The following PALM2AKAP2 variants were observed in gnomAD, a reference collection of about 807,000 sequenced individuals.
PALM2AKAP2 encodes PALM2-AKAP2 fusion protein.
Under a neutral mutation model 71.5 loss-of-function variants are expected in PALM2AKAP2, and 37 were observed. The ratio of observed to expected loss-of-function variants is 0.52; its 90% CI spans 0.40 to 0.68. PALM2AKAP2 has a LOEUF of 0.68. PALM2AKAP2 is among the 30% of genes least tolerant of loss of function. PALM2AKAP2 has a pLI of 0.00. For missense variants in PALM2AKAP2, 1,224 were observed against 1,191.8 expected (o/e 1.03, Z -0.40); for synonymous variants, 468 against 478.8 (o/e 0.98, Z 0.29).
In PALM2AKAP2 at chr9:109,921,074, T is replaced by C. The variant is rs140430340; in HGVS notation, c.258-2661T>C. Among the ~76,000 whole-genome samples, 896 of 152,378 alleles carry C rather than the reference T, an allele frequency of 5.9e-3. 15 individuals carry two copies. Among genetic ancestry groups the C allele is most frequent in the African/African-American group, 0.021 (859 of 41,582 alleles). ...CATCTTTATGTTCGTATCTCTAGATTGGCCAGCCCCCTCTCCATAAATTCT... is the reference window on the plus strand; with the variant it reads ...CATCTTTATGTTCGTATCTCTAGATCGGCCAGCCCCCTCTCCATAAATTCT... On this transcript the variant is annotated intron_variant, in intron 3 of 9. Transcript: ENST00000302798.
chr9:110,136,089 A>G, intron 1 of PALM2AKAP2, 38 bp from the exon 8 acceptor site: 3 of 1,520,610 alleles, frequency 2.0e-6, no homozygotes, highest in Non-Finnish European at 2.6e-6. Flanking sequence ...TAAGAGATGC[A>G]GTATTTAACC....
At chr9:109,842,035 C>T (rs769643781) in intron 1 of PALM2AKAP2, among the ~76,000 whole-genome samples, 6 of 151,676 alleles carry the variant, frequency 4.0e-5, no homozygotes, top group Non-Finnish European at 8.8e-5. Context: ...TGTTAGGAGG[C>T]CAGGGTCTAA....
At chr9:109,980,177 C>T (rs1199169154) in intron 6 of PALM2AKAP2, among the ~76,000 whole-genome samples, 2 of 152,158 alleles carry the variant, frequency 1.3e-5, no homozygotes, top group African/African-American at 4.8e-5. Flanking sequence ...ACAACAGATG[C>T]TTCCCTAGTA....
intron 3 of PALM2AKAP2, among the ~76,000 whole-genome samples, chr9:109,916,151 A>G (rs1388410177): frequency 6.6e-6 from 1 of 152,134 alleles, no homozygotes; most frequent in African/African-American, 2.4e-5. Flanking sequence ...ACCACATTGG[A>G]CAGGCTGGTC....
chr9:109,954,649 A>T (rs1174317945), intron 6 of PALM2AKAP2, among the ~76,000 whole-genome samples: 1 of 105,904 alleles, frequency 9.4e-6, no homozygotes, highest in African/African-American at 3.8e-5. Context: ...CCTAAAACTT[A>T]AAGTATAATA....
intron 6 of PALM2AKAP2, among the ~76,000 whole-genome samples, chr9:110,002,268 T>C (rs1011975057): frequency 2.0e-5 from 3 of 152,188 alleles, no homozygotes; most frequent in African/African-American, 7.2e-5. Flanking sequence ...TCTATTGAGA[T>C]AATCATGTGG....
At chr9:110,009,373 C>T (rs1302901528) in intron 6 of PALM2AKAP2, among the ~76,000 whole-genome samples, 3 of 152,088 alleles carry the variant, frequency 2.0e-5, no homozygotes, top group African/African-American at 2.4e-5. Context: ...TCTCTTTAGC[C>T]GCCTGACGCC....
intron 3 of PALM2AKAP2, among the ~76,000 whole-genome samples, chr9:109,903,892 G>A: frequency 6.6e-6 from 1 of 151,682 alleles, no homozygotes; most frequent in Non-Finnish European, 1.5e-5. Flanking sequence ...TTTCCTTCTG[G>A]CATTCAAATG....
chr9:109,807,016 G>A (rs1305793535), intron 1 of PALM2AKAP2, among the ~76,000 whole-genome samples: 1 of 152,134 alleles, frequency 6.6e-6, no homozygotes, highest in Non-Finnish European at 1.5e-5. Context: ...AGGATATTGT[G>A]GTAATTCAGA....
chr9:110,087,027 G>A (rs548969500), intron 1 of PALM2AKAP2, among the ~76,000 whole-genome samples: 10 of 152,160 alleles, frequency 6.6e-5, no homozygotes, highest in East Asian at 3.9e-4. Context: ...TAAACACTAC[G>A]CCATTCCATA....
chr9:109,712,151 A>G (rs1221394994), intron 1 of PALM2AKAP2, among the ~76,000 whole-genome samples: 1 of 152,194 alleles, frequency 6.6e-6, no homozygotes, highest in Non-Finnish European at 1.5e-5. Flanking sequence ...GTAATACAAG[A>G]GTCTTCTAAA....
At position 110,002,774 on chromosome 9, in the gene PALM2AKAP2, C is replaced by T. The variant is rs530469436; in HGVS notation, c.497-13180C>T. Among the ~76,000 whole-genome samples the T allele has an allele frequency of 2.5e-3, 374 of 152,156 alleles. 3 individuals are homozygous for T. The highest frequency in any genetic ancestry group is 7.3e-3 in the African/African-American group (303 of 41,510). ...TTTAGTCTTGGGAGGGTGTATGTGT[C>T]GAGGAATTTATCCATTTCTTCTAGA... On this transcript the variant is annotated intron_variant, in intron 6 of 9. Transcript: ENST00000302798.
chr9:109,961,611 T>C (rs912803419), intron 6 of PALM2AKAP2, among the ~76,000 whole-genome samples: 3 of 152,242 alleles, frequency 2.0e-5, no homozygotes, highest in South Asian at 4.1e-4. Context: ...ATGAACCATA[T>C]GGTCGTGTGA....
At chr9:110,009,982 A>C (rs1430458675) in intron 6 of PALM2AKAP2, among the ~76,000 whole-genome samples, 1 of 152,152 alleles carries the variant, frequency 6.6e-6, no homozygotes, top group Non-Finnish European at 1.5e-5. Context: ...GGAGACACAG[A>C]TGTTGGCGCT....
chr9:109,850,129 C>T (rs1040063158), intron 1 of PALM2AKAP2, among the ~76,000 whole-genome samples: 7 of 152,166 alleles, frequency 4.6e-5, no homozygotes, highest in Middle Eastern at 3.4e-3. Context: ...TAAGGGATCT[C>T]GTGAGGCTTT....
At chr9:109,751,250 AC>A (rs929980360) in intron 1 of PALM2AKAP2, among the ~76,000 whole-genome samples, 2 of 151,996 alleles carry the variant, frequency 1.3e-5, no homozygotes, top group African/African-American at 4.8e-5. Flanking sequence ...AAGGGAAAAA[AC>A]CCCACTTTAA....
At chr9:109,821,244 A>C (rs917455158) in intron 1 of PALM2AKAP2, among the ~76,000 whole-genome samples, 3 of 152,204 alleles carry the variant, frequency 2.0e-5, no homozygotes, top group African/African-American at 7.2e-5. Context: ...TGACGAGTTA[A>C]TGGGTGCAGC....
At chr9:110,080,517 A>G (rs1230479841) in intron 1 of PALM2AKAP2, among the ~76,000 whole-genome samples, 3 of 152,118 alleles carry the variant, frequency 2.0e-5, no homozygotes, top group Non-Finnish European at 4.4e-5. Context: ...AACACGATGT[A>G]AAATGTCTGC....
At chr9:110,027,605 C>T (rs769795470) in intron 7 of PALM2AKAP2, among the ~76,000 whole-genome samples, 6 of 152,212 alleles carry the variant, frequency 3.9e-5, no homozygotes, top group South Asian at 2.1e-4. Flanking sequence ...GCTGTAAAAC[C>T]GTTTGAAAAG....
Sources: allele counts gnomAD v4.1 joint callset (sites outside exome capture counted in the v4.1 genomes callset), GRCh38; gene constraint gnomAD v4.1.1; transcripts MANE v1.5; gene names NCBI Gene and HGNC (gene_info 2026-07-23, HGNC 2026-07-21).